Variants in PAXBP1 observed in about 807,000 individuals in gnomAD.
The protein encoded by PAXBP1 is PAX3- and PAX7-binding protein 1.
In PAXBP1, 44 loss-of-function variants were observed where a neutral mutation model predicts 119.9. The observed-to-expected ratio is 0.37, with a 90% confidence interval of 0.29 to 0.47. PAXBP1 has a LOEUF of 0.47. Among genes scored for constraint, PAXBP1 ranks in the 20% least tolerant of loss-of-function variants. PAXBP1 has a pLI of 0.99. For synonymous variants in PAXBP1, 393 were observed against 406.6 expected, an observed-to-expected ratio of 0.97 and a Z score of 0.40; for missense variants, 898 against 1,134.1, an observed-to-expected ratio of 0.79 and a Z score of 2.99.
rs778384006 is a variant in PAXBP1, at chr21:32,755,309, G to A, written c.1428C>T (p.Tyr476=). Residue 476 remains tyrosine (Y), a synonymous_variant, in exon 8 of 18, where the codon TAC becomes TAT. Coordinates refer to ENST00000331923, the MANE Select transcript of PAXBP1 (RefSeq NM_016631.4). ...GGACAAGGCGGGAAGCTCGCTGTTT[G>A]TACAGCTGATGTATTGCTGATTCAA... ...NELESAIHQL[Y]KQRASRLVQR... is the part of the protein sequence containing the mutation. The A allele has an allele frequency of 6.2e-7, 1 of 1,613,536 alleles. No homozygotes were observed. The highest frequency in any genetic ancestry group is 8.5e-7 in the Non-Finnish European group (1 of 1,179,692).
chr21:32,746,389 AGAG>A (rs2043872205), intron 11 of PAXBP1, among the ~76,000 whole-genome samples: 2 of 152,234 alleles, frequency 1.3e-5, no homozygotes, highest in African/African-American at 4.8e-5. Flanking sequence ...TCTAATATCC[AGAG>A]TCTACAGGAA....
intron 13 of PAXBP1, among the ~76,000 whole-genome samples, chr21:32,744,049 C>A (rs1022721030): frequency 6.6e-6 from 1 of 152,050 alleles, no homozygotes; most frequent in African/African-American, 2.4e-5. Flanking sequence ...ACAAAGAGCA[C>A]CCACCTTCTC....
At chr21:32,768,786 G>C (rs1006554361) in intron 2 of PAXBP1, among the ~76,000 whole-genome samples, 4 of 152,206 alleles carry the variant, frequency 2.6e-5, no homozygotes, top group African/African-American at 9.6e-5. Context: ...ATCTGTCAAC[G>C]TATCTTTCAC....
At chr21:32,744,232 A>G (rs1272586046) in intron 13 of PAXBP1, among the ~76,000 whole-genome samples, 2 of 150,650 alleles carry the variant, frequency 1.3e-5, no homozygotes, top group African/African-American at 2.4e-5. Context: ...CACATAAAAT[A>G]CAATGACACT....
At chr21:32,768,918 C>T (rs1011886366) in intron 2 of PAXBP1, among the ~76,000 whole-genome samples, 3 of 152,278 alleles carry the variant, frequency 2.0e-5, no homozygotes, top group South Asian at 2.1e-4. Context: ...CCTTCCCTTT[C>T]GGAATTTTAA....
At chr21:32,751,656 C>G (rs1173705711) in intron 8 of PAXBP1, 21 of 153,686 alleles carry the variant, frequency 1.4e-4, no homozygotes, top group Admixed American at 1.4e-3. Flanking sequence ...AAGAAAACAG[C>G]TTTGTTGCAA....
At position 32,764,366 on chromosome 21, in the gene PAXBP1, A is replaced by G. The variant is rs2044202903; in HGVS notation, c.631T>C (p.Leu211=). ...TACACACCTGGACGAAGAACATTCA[A>G]TGAAGATAAAGCATTTGAAAAAGCT... The part of the protein sequence containing the change: ...GGAFSNALSS[L]NVLRPGEIPD... The change falls in exon 3 of 18, where the codon TTG becomes CTG. Residue 211 remains leucine, a synonymous_variant. Coordinates refer to ENST00000331923, the MANE Select transcript of PAXBP1 (RefSeq NM_016631.4). 6.2e-7 allele frequency: 1 copy of G among 1,613,822 alleles called. No individual in the cohort carries two copies. Among genetic ancestry groups the G allele is most frequent in the Middle Eastern group, 1.7e-4 (1 of 6,056 alleles).
chr21:32,734,609 G>C lies in PAXBP1; in HGVS notation c.*341C>G. On this transcript the variant is annotated 3_prime_UTR_variant, in exon 18 of 18. Transcript: ENST00000331923. ...CCACAAATTTCCAGTGTGAAAGTAAGTCCATGGTGGTATAAATATATATAT... is the reference window on the plus strand; with the variant it reads ...CCACAAATTTCCAGTGTGAAAGTAACTCCATGGTGGTATAAATATATATAT... 1 of 225,382 alleles carries C rather than the reference G, an allele frequency of 4.4e-6. No homozygotes were observed. Among genetic ancestry groups the C allele is most frequent in the Non-Finnish European group, 8.7e-6 (1 of 114,782 alleles). The allele number at this position is 225,382 out of a possible 1,614,324, so 14.0% of individuals were successfully genotyped here. A position where few individuals can be genotyped will look rare whatever the true frequency, so the allele number is the denominator to read the frequency against.
chr21:32,757,342 T>TTAA (rs10662555), intron 7 of PAXBP1, among the ~76,000 whole-genome samples: 83,894 of 151,602 alleles, frequency 0.55, 23,806 homozygotes, highest in African/African-American at 0.68. Context: ...AGCAGTACTC[T>TTAA]TAAAATGAAA....
intron 1 of PAXBP1, among the ~76,000 whole-genome samples, 170 bp from the exon 2 acceptor site, chr21:32,770,112 C>T (rs914917140): frequency 1.3e-5 from 2 of 152,156 alleles, no homozygotes; most frequent in Non-Finnish European, 2.9e-5. Context: ...CAGAGGTCAA[C>T]TTCCTAAATT....
At position 32,753,174 on chromosome 21, in the gene PAXBP1, T is replaced by C. The variant is rs533485481; in HGVS notation, c.1508-1956A>G. Reference sequence around the variant, plus strand: ...AGAAATATTTTTAAAAATATCATTATACGGCTGGGCACGGTGGCTCACGCC... The same window carrying C: ...AGAAATATTTTTAAAAATATCATTACACGGCTGGGCACGGTGGCTCACGCC... On this transcript the variant is annotated intron_variant, in intron 8 of 17. Coordinates refer to ENST00000331923, the MANE Select transcript of PAXBP1 (RefSeq NM_016631.4). Among the ~76,000 whole-genome samples the C allele has an allele frequency of 6.3e-4, 96 of 152,084 alleles. 1 individual carries two copies. The South Asian group carries it at 0.02, about 32-fold the overall frequency.
chr21:32,735,157 CA>C, intron 17 of PAXBP1, 90 bp from the exon 18 acceptor site: 1 of 820,218 alleles, frequency 1.2e-6, no homozygotes, highest in Non-Finnish European at 2.0e-6. Context: ...AGAGCTTCTG[CA>C]ATCAATTTTT....
chr21:32,769,958 A>T lies in PAXBP1; in HGVS notation c.344-16T>A, dbSNP rs776244016. On this transcript the variant is annotated splice_polypyrimidine_tract_variant and intron_variant, in intron 1 of 17. Transcript: ENST00000331923. Reference sequence around the variant, plus strand: ...TCTTCATTTTCTTAAAAAGGAAATTAAATGAAGTCTGTAGCAACTATTTTC... The same window carrying T: ...TCTTCATTTTCTTAAAAAGGAAATTTAATGAAGTCTGTAGCAACTATTTTC... 1.7e-5 allele frequency: 26 copies of T among 1,498,176 alleles called. No individual in the cohort carries two copies. Among genetic ancestry groups the T allele is most frequent in the Non-Finnish European group, 2.3e-5 (26 of 1,106,770 alleles). 92.8% of individuals were successfully genotyped at this position (1,498,176 alleles called of 1,614,324 possible).
chr21:32,744,667 C>T, intron 13 of PAXBP1, 125 bp downstream of exon 13: 1 of 1,048,028 alleles, frequency 9.5e-7, no homozygotes, highest in Non-Finnish European at 1.3e-6. Context: ...TTTAATGGCC[C>T]TGATGGCCCA....
chr21:32,736,918 T>C (rs982195374), intron 17 of PAXBP1, among the ~76,000 whole-genome samples: 15 of 152,148 alleles, frequency 9.9e-5, no homozygotes, highest in African/African-American at 3.6e-4. Context: ...AATTGGGAGA[T>C]AAACTTGAAT....
Position 32,755,372 on chromosome 21 carries a change from C to T in PAXBP1, c.1384-19G>A, listed in dbSNP as rs1204287069. ...GTGGCACCTGTAAAAATACAACACA[C>T]TCCGTAACACCAAACTCCTCAGCTG... On this transcript the variant is annotated intron_variant, in intron 7 of 17. Transcript: ENST00000331923. 2.5e-6 allele frequency: 4 copies of T among 1,604,858 alleles called. No individual in the cohort carries two copies. The highest frequency in any genetic ancestry group is 1.7e-5 in the Admixed American group (1 of 57,814).
At chr21:32,740,024 C>T (rs2043757600) in intron 15 of PAXBP1, among the ~76,000 whole-genome samples, 2 of 143,120 alleles carry the variant, frequency 1.4e-5, no homozygotes, top group East Asian at 4.4e-4. Flanking sequence ...AACTGGTTTT[C>T]AACAAAGGCA....
At chr21:32,758,482 T>G (rs773396522) in intron 7 of PAXBP1, among the ~76,000 whole-genome samples, 9 of 151,702 alleles carry the variant, frequency 5.9e-5, no homozygotes, top group Non-Finnish European at 1.0e-4. Flanking sequence ...AGTATAAGAA[T>G]GCCAAACATT....
chr21:32,763,315 A>T (rs1199435974), intron 3 of PAXBP1, among the ~76,000 whole-genome samples: 1 of 152,146 alleles, frequency 6.6e-6, no homozygotes, highest in Non-Finnish European at 1.5e-5. Flanking sequence ...CCTGCTAGAC[A>T]TTTTTTCCTA....
Sources: gnomAD v4.1 joint callset for allele counts (sites outside exome capture counted in the v4.1 genomes callset) on GRCh38, gnomAD v4.1.1 for gene constraint, MANE v1.5 for transcripts, NCBI Gene and HGNC (gene_info 2026-07-23, HGNC 2026-07-21) for gene names.